The following UGT1A10 variants were observed in gnomAD, a reference collection of about 807,000 sequenced individuals.
UGT1A10 encodes the protein UDP-glucuronosyltransferase 1A10.
UGT1A10 carries 49 observed loss-of-function variants against 45.8 expected under a neutral mutation model. That is an observed-to-expected ratio of 1.07 (90% confidence interval 0.85 to 1.36). UGT1A10 has a LOEUF of 1.36. Ranked by LOEUF, UGT1A10 falls within the 40% of genes most tolerant of loss-of-function variation. The pLI, the probability that UGT1A10 is intolerant of heterozygous loss-of-function variation, is 0.00. For missense variants in UGT1A10, 745 were observed against 668.6 expected, an observed-to-expected ratio of 1.11 and a Z score of -1.26; for synonymous variants, 284 against 249.7, an observed-to-expected ratio of 1.14 and a Z score of -1.29.
chr2:233,669,783 A>G (rs1179639000), intron 1 of UGT1A10, among the ~76,000 whole-genome samples: 2 of 152,182 alleles, frequency 1.3e-5, no homozygotes, highest in Non-Finnish European at 2.9e-5. Context: ...TCCCGGGTTC[A>G]AGTGATTCTC....
chr2:233,756,002 A>C (rs541180678), intron 1 of UGT1A10: 11 of 152,292 alleles, frequency 7.2e-5, no homozygotes, highest in South Asian at 6.2e-4. Context: ...TCTGCATTCT[A>C]TCTATTGTGA....
intron 1 of UGT1A10, among the ~76,000 whole-genome samples, chr2:233,714,278 A>C (rs2076377797): frequency 6.6e-6 from 1 of 152,138 alleles, no homozygotes. Flanking sequence ...TGACGTGACA[A>C]TTTTTAGTGG....
At chr2:233,671,965 C>A in intron 1 of UGT1A10, 1 of 1,613,726 alleles carries the variant, frequency 6.2e-7, no homozygotes, top group East Asian at 2.2e-5. Context: ...CAGCCCCCTT[C>A]CTCTATGTGT....
chr2:233,646,818 A>G (rs568939472), intron 1 of UGT1A10, among the ~76,000 whole-genome samples: 17 of 152,014 alleles, frequency 1.1e-4, no homozygotes, highest in Admixed American at 3.9e-4. Flanking sequence ...AACTTTGCCA[A>G]CCTCTGCCTG....
intron 1 of UGT1A10, among the ~76,000 whole-genome samples, chr2:233,642,146 T>A (rs2073469271): frequency 6.6e-6 from 1 of 152,228 alleles, no homozygotes; most frequent in African/African-American, 2.4e-5. Context: ...ACTATTAGAT[T>A]TGCCCCTTTG....
chr2:233,744,381 A>G (rs186112546), intron 1 of UGT1A10, among the ~76,000 whole-genome samples: 6 of 151,986 alleles, frequency 3.9e-5, no homozygotes, highest in East Asian at 3.9e-4. Flanking sequence ...CAGTTCTCCA[A>G]CGTTCCAGCC....
intron 1 of UGT1A10, among the ~76,000 whole-genome samples, chr2:233,762,832 A>C (rs1698176538): frequency 6.6e-6 from 1 of 152,202 alleles, no homozygotes; most frequent in Admixed American, 6.5e-5. Flanking sequence ...CATAATAAAA[A>C]ATAATAGGCA....
At position 233,675,487 on chromosome 2, in the gene UGT1A10, G is replaced by T. The variant is rs185925917; in HGVS notation, c.855+38110G>T. 1.6e-4 allele frequency among the ~76,000 whole-genome samples: 25 copies of T among 152,226 alleles called. No homozygotes were observed. In the East Asian group the frequency reaches 4.6e-3, roughly 28 times the overall value. The stretch of plus-strand genomic sequence containing the variant: ...CATCCATGGCAGGTGCGGCTCTGGG[G>T]GTGGGATATGGTTACAGATAAATAA... On this transcript the variant is annotated intron_variant, in intron 1 of 4. Transcript: ENST00000344644.
Position 233,636,776 on chromosome 2 carries a change from A to T in UGT1A10, c.254A>T (p.Asp85Val). ...TACTCAACCTCGTACACTCTGGAAG[A>T]TCAGAACCGGGAATTCATGGTTTTC... Reference protein sequence around the residue: ...KTYSTSYTLEDQNREFMVFAH... With the variant: ...KTYSTSYTLEVQNREFMVFAH... The change falls in exon 1 of 5, where the codon GAT (aspartate) becomes GTT (valine). Residue 85 changes from aspartate to valine, a missense_variant. Asp to Val is a radical substitution (Grantham distance 152). Coordinates refer to ENST00000344644, the MANE Select transcript of UGT1A10 (RefSeq NM_019075.4). 1 of 1,614,240 alleles carries T rather than the reference A, an allele frequency of 6.2e-7. No individual in the cohort carries two copies. The highest frequency in any genetic ancestry group is 8.5e-7 in the Non-Finnish European group (1 of 1,180,044).
chr2:233,649,543 T>A (rs1208309736), intron 1 of UGT1A10, among the ~76,000 whole-genome samples: 2 of 152,228 alleles, frequency 1.3e-5, no homozygotes, highest in Non-Finnish European at 2.9e-5. Flanking sequence ...GAAAATCAAA[T>A]CAACTATCAG....
intron 1 of UGT1A10, among the ~76,000 whole-genome samples, chr2:233,717,449 A>C (rs2076575928): frequency 6.6e-6 from 1 of 152,324 alleles, no homozygotes; most frequent in Admixed American, 6.5e-5. Flanking sequence ...GCATCCATTC[A>C]CTGCCTGTCC....
At chr2:233,743,230 T>A (rs751434159) in intron 1 of UGT1A10, 5 of 416,618 alleles carry the variant, frequency 1.2e-5, no homozygotes, top group Non-Finnish European at 2.4e-5. Flanking sequence ...TGCTATTTAT[T>A]ATGAAGGACT....
chr2:233,755,026 G>T, intron 1 of UGT1A10: 1 of 1,306,986 alleles, frequency 7.7e-7, no homozygotes, highest in South Asian at 1.2e-5. Context: ...TCCTTGAAGG[G>T]CCTGCCGCCT....
chr2:233,696,740 AGTATGAT>A (rs1292795336), intron 1 of UGT1A10, among the ~76,000 whole-genome samples: 1 of 152,134 alleles, frequency 6.6e-6, no homozygotes, highest in African/African-American at 2.4e-5. Context: ...TACCCTTTTC[AGTATGAT>A]GTTAGCTGTG....
intron 1 of UGT1A10, chr2:233,693,828 G>A: frequency 6.2e-7 from 1 of 1,614,144 alleles, no homozygotes; most frequent in Non-Finnish European, 8.5e-7. Context: ...GTCTTCATTG[G>A]AGGTATCAAC....
At chr2:233,672,236 A>G (rs748158317) in intron 1 of UGT1A10, 3 of 1,613,996 alleles carry the variant, frequency 1.9e-6, no homozygotes, top group East Asian at 4.5e-5. Flanking sequence ...TGGAAAGCAC[A>G]AGTACGAAGT....
At chr2:233,704,044 A>C (rs4521035) in intron 1 of UGT1A10, among the ~76,000 whole-genome samples, 86,978 of 151,728 alleles carry the variant, frequency 0.57, 26,924 homozygotes, top group African/African-American at 0.82. Flanking sequence ...GTGTGCACCA[A>C]CATGCCTGGC....
At chr2:233,727,115 G>A (rs1162541205) in intron 1 of UGT1A10, among the ~76,000 whole-genome samples, 1 of 152,220 alleles carries the variant, frequency 6.6e-6, no homozygotes, top group Non-Finnish European at 1.5e-5. Context: ...TTAGGTCTGT[G>A]AGATTGGCAG....
At chr2:233,693,264 TG>T in intron 1 of UGT1A10, 1 of 1,614,122 alleles carries the variant, frequency 6.2e-7, no homozygotes, top group South Asian at 1.1e-5. Context: ...CAAGAAGAGC[TG>T]AAGAACCGTT....
Sources: allele counts gnomAD v4.1 joint callset (sites outside exome capture counted in the v4.1 genomes callset), GRCh38; gene constraint gnomAD v4.1.1; transcripts MANE v1.5; gene names NCBI Gene and HGNC (gene_info 2026-07-23, HGNC 2026-07-21).